TMPRSS11F: variants seen among roughly 807,000 people sequenced by gnomAD.
The protein encoded by TMPRSS11F is transmembrane serine protease 11F, also known as transmembrane protease serine 11F.
In TMPRSS11F, 47 loss-of-function variants were observed where a neutral mutation model predicts 60.2. The ratio of observed to expected loss-of-function variants is 0.78; its 90% confidence interval spans 0.62 to 1.00. The LOEUF is 1.00. Among genes scored for constraint, TMPRSS11F ranks in the 50% least tolerant of loss-of-function variants. The pLI, the probability that TMPRSS11F is intolerant of heterozygous loss-of-function variation, is 0.00. For missense variants in TMPRSS11F, 519 were observed against 522.9 expected, an observed-to-expected ratio of 0.99 and a Z score of 0.07; for synonymous variants, 166 against 167.3, an observed-to-expected ratio of 0.99 and a Z score of 0.06.
intron 8 of TMPRSS11F, among the ~76,000 whole-genome samples, chr4:68,063,830 A>T (rs1184503167): frequency 1.3e-5 from 2 of 152,224 alleles, no homozygotes; most frequent in African/African-American, 2.4e-5. Context: ...AACCAAAAAA[A>T]ATGCTCAAAA....
intron 3 of TMPRSS11F, among the ~76,000 whole-genome samples, chr4:68,089,151 T>C (rs905404401): frequency 2.6e-5 from 4 of 152,116 alleles, no homozygotes; most frequent in African/African-American, 9.7e-5. Context: ...ACATGAACTT[T>C]TAGGGAAATG....
intron 1 of TMPRSS11F, among the ~76,000 whole-genome samples, chr4:68,125,233 TACTGAATATGTGGGCTGCTCCCATC>T (rs1480421705): frequency 2.0e-5 from 3 of 151,670 alleles, no homozygotes; most frequent in Non-Finnish European, 2.9e-5. Flanking sequence ...TTATATAAAG[TACTGAATATGTGGGCTGCTCCCATC>T]ACCTGATAAT....
At chr4:68,115,686 C>T (rs1724504451) in intron 1 of TMPRSS11F, among the ~76,000 whole-genome samples, 1 of 152,078 alleles carries the variant, frequency 6.6e-6, no homozygotes, top group Non-Finnish European at 1.5e-5. Flanking sequence ...AGTGAAAGGT[C>T]ATACATAAAA....
At chr4:68,054,482 C>T (rs572923587) in intron 9 of TMPRSS11F, among the ~76,000 whole-genome samples, 16 of 152,228 alleles carry the variant, frequency 1.1e-4, no homozygotes, top group African/African-American at 3.9e-4. Context: ...GTCTCCTTTT[C>T]TGTTACTCAC....
chr4:68,090,518 C>G lies in TMPRSS11F; in HGVS notation c.282+5G>C. ...ATAAACATTTAAAATTTCTGTTGAG[C>G]TTACCATTCTTTCAATCTGATGACT... On this transcript the variant is annotated splice_donor_5th_base_variant and intron_variant, in intron 3 of 9. Transcript: ENST00000356291. 1 of 1,578,546 alleles carries G rather than the reference C, an allele frequency of 6.3e-7. No individual in the cohort carries two copies. The highest frequency in any genetic ancestry group is 8.6e-7 in the Non-Finnish European group (1 of 1,165,580).
At chr4:68,066,917 G>A (rs1191490526) in intron 7 of TMPRSS11F, among the ~76,000 whole-genome samples, 1 of 144,300 alleles carries the variant, frequency 6.9e-6, no homozygotes, top group African/African-American at 2.6e-5. Context: ...CTGGGCAAAA[G>A]AGCGAGACTT....
intron 5 of TMPRSS11F, among the ~76,000 whole-genome samples, chr4:68,072,000 C>A (rs192035003): frequency 2.4e-4 from 37 of 151,846 alleles, no homozygotes; most frequent in African/African-American, 8.7e-4. Context: ...TTCCTTGAGT[C>A]TCAGCTTCTT....
intron 9 of TMPRSS11F, among the ~76,000 whole-genome samples, chr4:68,054,356 TA>T (rs1054022539): frequency 6.6e-6 from 1 of 152,164 alleles, no homozygotes; most frequent in Non-Finnish European, 1.5e-5. Flanking sequence ...CATGGTTTAG[TA>T]ACTATGTATA....
intron 1 of TMPRSS11F, among the ~76,000 whole-genome samples, chr4:68,121,702 G>A (rs1724628031): frequency 6.6e-6 from 1 of 152,104 alleles, no homozygotes; most frequent in South Asian, 2.1e-4. Flanking sequence ...TATTTCAGTG[G>A]TATTTTGCAA....
At chr4:68,093,234 G>T (rs960615387) in intron 2 of TMPRSS11F, among the ~76,000 whole-genome samples, 2 of 152,136 alleles carry the variant, frequency 1.3e-5, no homozygotes, top group Non-Finnish European at 2.9e-5. Context: ...ACAATTTTCT[G>T]AAGTAAAAAT....
chr4:68,068,879 AT>A (rs1723390708), intron 6 of TMPRSS11F, 60 bp from the exon 7 acceptor site: 3 of 1,568,162 alleles, frequency 1.9e-6, no homozygotes, highest in South Asian at 2.2e-5. Flanking sequence ...GTATATTCTG[AT>A]TTGCTTTGGT....
chr4:68,122,324 T>C (rs1188337465), intron 1 of TMPRSS11F, among the ~76,000 whole-genome samples: 1 of 152,180 alleles, frequency 6.6e-6, no homozygotes, highest in Admixed American at 6.5e-5. Context: ...TCAATAGAAA[T>C]TTACTTCTCT....
At chr4:68,066,264 G>A (rs1464914389) in intron 7 of TMPRSS11F, among the ~76,000 whole-genome samples, 1 of 152,032 alleles carries the variant, frequency 6.6e-6, no homozygotes, top group Non-Finnish European at 1.5e-5. Flanking sequence ...CTAGATACTA[G>A]AATTCTCAGA....
At chr4:68,121,817 A>G (rs112353209) in intron 1 of TMPRSS11F, among the ~76,000 whole-genome samples, 6 of 152,200 alleles carry the variant, frequency 3.9e-5, no homozygotes, top group Non-Finnish European at 7.4e-5. Context: ...AAACAAAATT[A>G]ACATGTCCCA....
chr4:68,077,162 T>C (rs1723602155), intron 3 of TMPRSS11F: 1 of 152,252 alleles, frequency 6.6e-6, no homozygotes, highest in East Asian at 1.9e-4. Context: ...TGTCACTCAA[T>C]ATATACCATG....
At chr4:68,072,033 A>G (rs1723476653) in intron 5 of TMPRSS11F, among the ~76,000 whole-genome samples, 1 of 151,694 alleles carries the variant, frequency 6.6e-6, no homozygotes, top group African/African-American at 2.4e-5. Context: ...GGCGAAAGTA[A>G]TACTTACCCT....
chr4:68,062,583 G>A (rs1336943321), intron 8 of TMPRSS11F: 2 of 860,280 alleles, frequency 2.3e-6, no homozygotes, highest in East Asian at 2.5e-5. Flanking sequence ...CGTACTTGCC[G>A]TCCTTTTGAC....
chr4:68,108,998 C>T (rs1165956001), intron 1 of TMPRSS11F, among the ~76,000 whole-genome samples: 1 of 152,180 alleles, frequency 6.6e-6, no homozygotes, highest in East Asian at 1.9e-4. Flanking sequence ...GTTGTCTAGC[C>T]TATTCTTAAA....
At position 68,053,945 on chromosome 4, in the gene TMPRSS11F, C is replaced by T. The variant is rs746692980; in HGVS notation, c.1281G>A (p.Lys427=). ...TCTTTGAGGCAATCCAATCTCGATACTTAGTTACTCTGGTGTAGACTCCAG... is the reference window on the plus strand; with the variant it reads ...TCTTTGAGGCAATCCAATCTCGATATTTAGTTACTCTGGTGTAGACTCCAG... ...KKPGVYTRVT[K]YRDWIASKTG... is the part of the protein sequence containing the mutation. Residue 427 remains lysine (K), a synonymous_variant, in exon 10 of 10, where the codon AAG becomes AAA. Coordinates refer to ENST00000356291, the MANE Select transcript of TMPRSS11F (RefSeq NM_207407.2). 8.1e-6 allele frequency: 13 copies of T among 1,613,528 alleles called. No homozygotes were observed. The African/African-American group carries it at 1.6e-4, about 20-fold the overall frequency.
Sources: gnomAD v4.1 joint callset for allele counts (sites outside exome capture counted in the v4.1 genomes callset) on GRCh38, gnomAD v4.1.1 for gene constraint, MANE v1.5 for transcripts, NCBI Gene and HGNC (gene_info 2026-07-23, HGNC 2026-07-21) for gene names.